Variants in SYT14 observed in about 807,000 individuals in gnomAD.
SYT14 encodes the protein synaptotagmin-14.
SYT14 carries 32 observed loss-of-function variants against 74.2 expected under a neutral mutation model. The ratio of observed to expected loss-of-function variants is 0.43; its 90% confidence interval spans 0.33 to 0.58. The LOEUF (loss-of-function observed/expected upper bound fraction) is 0.58, where lower values mean the gene tolerates loss of function less well. Ranked by LOEUF, SYT14 falls within the 20% of genes least tolerant of loss-of-function variation. The pLI, the probability that SYT14 is intolerant of heterozygous loss-of-function variation, is 0.05. For synonymous variants in SYT14, 298 were observed against 337.7 expected, an observed-to-expected ratio of 0.88 and a Z score of 1.29; for missense variants, 791 against 981.8, an observed-to-expected ratio of 0.81 and a Z score of 2.60.
intron 7 of SYT14, among the ~76,000 whole-genome samples, chr1:210,134,036 T>G (rs980019514): frequency 1.3e-5 from 2 of 151,912 alleles, no homozygotes; most frequent in Non-Finnish European, 2.9e-5. Flanking sequence ...AGTTACAATT[T>G]GATTGGTTAG....
chr1:210,060,562 A>G (rs145383479), intron 5 of SYT14, among the ~76,000 whole-genome samples: 2 of 152,218 alleles, frequency 1.3e-5, no homozygotes, highest in African/African-American at 2.4e-5. Flanking sequence ...AAAGGAAGAA[A>G]ACTCTGAGCC....
chr1:209,994,649 G>A (rs1326624215), intron 2 of SYT14, among the ~76,000 whole-genome samples: 1 of 152,044 alleles, frequency 6.6e-6, no homozygotes, highest in East Asian at 1.9e-4. Context: ...ACACCAGCTA[G>A]ATACTATAGA....
chr1:210,034,028 G>A (rs2080598725), intron 5 of SYT14, among the ~76,000 whole-genome samples: 1 of 151,778 alleles, frequency 6.6e-6, no homozygotes, highest in Non-Finnish European at 1.5e-5. Flanking sequence ...AAAAAGTATA[G>A]TTCTGCAAAT....
At chr1:210,124,760 A>G (rs1390564899) in intron 7 of SYT14, among the ~76,000 whole-genome samples, 1 of 152,222 alleles carries the variant, frequency 6.6e-6, no homozygotes, top group Non-Finnish European at 1.5e-5. Flanking sequence ...CCCATTTTAC[A>G]GATGACAAAA....
intron 2 of SYT14, among the ~76,000 whole-genome samples, chr1:210,000,984 C>T (rs952951146): frequency 4.6e-5 from 7 of 152,064 alleles, no homozygotes; most frequent in African/African-American, 1.7e-4. Context: ...TTTCATTAAC[C>T]TCTGAAGAAT....
intron 5 of SYT14, among the ~76,000 whole-genome samples, chr1:210,027,869 G>T (rs572576317): frequency 6.6e-6 from 1 of 151,984 alleles, no homozygotes; most frequent in Admixed American, 6.6e-5. Context: ...TACATCTACA[G>T]TATTTTTCCC....
intron 2 of SYT14, among the ~76,000 whole-genome samples, chr1:209,976,466 G>A (rs2079367069): frequency 6.6e-6 from 1 of 152,110 alleles, no homozygotes; most frequent in African/African-American, 2.4e-5. Context: ...TATGTACCCA[G>A]TAGGCATTCA....
intron 5 of SYT14, among the ~76,000 whole-genome samples, chr1:210,082,187 T>C (rs1230038277): frequency 6.6e-6 from 1 of 152,196 alleles, no homozygotes; most frequent in Non-Finnish European, 1.5e-5. Flanking sequence ...ATTTGGTGCA[T>C]ATTTGAGTTT....
At chr1:210,161,768 T>C (rs1329461410) in exon 10 of SYT14, 1 of 453,848 alleles carries the variant, frequency 2.2e-6, no homozygotes, top group Non-Finnish European at 4.4e-6. Flanking sequence ...TTGCAAGTCT[T>C]CTAGACAGGT....
chr1:210,067,651 T>C (rs966249060), intron 5 of SYT14, among the ~76,000 whole-genome samples: 3 of 151,912 alleles, frequency 2.0e-5, no homozygotes, highest in Non-Finnish European at 4.4e-5. Context: ...ATTTTTAAAA[T>C]TTACCCTCCC....
intron 5 of SYT14, among the ~76,000 whole-genome samples, chr1:210,048,716 C>G (rs1057258121): frequency 5.3e-5 from 8 of 152,214 alleles, no homozygotes; most frequent in Non-Finnish European, 1.2e-4. Flanking sequence ...ATCATGCTTT[C>G]CCAACGGTCC....
At chr1:209,984,499 T>A (rs946927700) in intron 2 of SYT14, among the ~76,000 whole-genome samples, 3 of 152,224 alleles carry the variant, frequency 2.0e-5, no homozygotes, top group Non-Finnish European at 4.4e-5. Context: ...TCTTATCTTT[T>A]AAAAATTTTT....
At chr1:209,959,843 A>G (rs2079051776) in intron 2 of SYT14, among the ~76,000 whole-genome samples, 1 of 152,178 alleles carries the variant, frequency 6.6e-6, no homozygotes, top group African/African-American at 2.4e-5. Context: ...CTGAAATTAG[A>G]TAGTGGTTGC....
intron 5 of SYT14, among the ~76,000 whole-genome samples, chr1:210,040,238 A>C (rs1394236622): frequency 1.3e-5 from 2 of 152,170 alleles, no homozygotes; most frequent in Non-Finnish European, 2.9e-5. Flanking sequence ...TGAAGCTGGA[A>C]ACCATCATTC....
chr1:210,137,747 C>G (rs1342343748), intron 7 of SYT14, among the ~76,000 whole-genome samples: 2 of 147,944 alleles, frequency 1.4e-5, no homozygotes, highest in African/African-American at 5.0e-5. Flanking sequence ...GTGGCGCAAT[C>G]TCACCTCACT....
In SYT14 at chr1:210,122,239, A is replaced by C. The variant is rs557714880; in HGVS notation, c.2034+21778A>C. 1.1e-4 allele frequency among the ~76,000 whole-genome samples: 2 copies of C among 18,844 alleles called. 1 individual carries two copies. Among genetic ancestry groups the C allele is most frequent in the South Asian group, 3.0e-3 (2 of 666 alleles). The allele number at this position is 18,844 out of a possible 152,430, so 12.4% of individuals were successfully genotyped here. On this transcript the variant is annotated intron_variant, in intron 7 of 9. Transcript: ENST00000637265. The stretch of plus-strand genomic sequence containing the variant: ...GTGATCCGCCCGCCTCGGCCTCCCA[A>C]AGTGCTGGGATTACAGGCGTGAGCC...
chr1:210,153,630 C>G (rs190619038), intron 7 of SYT14, among the ~76,000 whole-genome samples: 1 of 152,102 alleles, frequency 6.6e-6, no homozygotes, highest in African/African-American at 2.4e-5. Flanking sequence ...TATACAACTG[C>G]AGTTCATCTG....
At chr1:210,127,920 G>A (rs780985582) in intron 7 of SYT14, among the ~76,000 whole-genome samples, 1 of 152,072 alleles carries the variant, frequency 6.6e-6, no homozygotes, top group Non-Finnish European at 1.5e-5. Flanking sequence ...CCAGCTACTC[G>A]GGAGGCTGAG....
At chr1:209,977,225 A>G (rs1488211881) in intron 2 of SYT14, among the ~76,000 whole-genome samples, 1 of 152,074 alleles carries the variant, frequency 6.6e-6, no homozygotes, top group Non-Finnish European at 1.5e-5. Flanking sequence ...TAATATTGTT[A>G]TGTGTGAATT....
Sources: gnomAD v4.1 joint callset for allele counts (sites outside exome capture counted in the v4.1 genomes callset) on GRCh38, gnomAD v4.1.1 for gene constraint, MANE v1.5 for transcripts, NCBI Gene and HGNC (gene_info 2026-07-23, HGNC 2026-07-21) for gene names.